PTPRA: variants seen among roughly 807,000 people sequenced by gnomAD.
PTPRA encodes the protein receptor-type tyrosine-protein phosphatase alpha.
In PTPRA, 25 loss-of-function variants were observed where a neutral mutation model predicts 104.8. The observed-to-expected ratio is 0.24, with a 90% CI of 0.17 to 0.33. The LOEUF is 0.33. Ranked by LOEUF, PTPRA falls within the 10% of genes least tolerant of loss-of-function variation. The pLI is 1.00. For synonymous variants in PTPRA, 323 were observed against 368.9 expected, an observed-to-expected ratio of 0.88 and a Z score of 1.43; for missense variants, 765 against 1,015.3, an observed-to-expected ratio of 0.75 and a Z score of 3.35.
chr20:2,961,880 T>G (rs1265905914), intron 3 of PTPRA, among the ~76,000 whole-genome samples: 1 of 152,234 alleles, frequency 6.6e-6, no homozygotes, highest in East Asian at 1.9e-4. Flanking sequence ...TTGCTCCATT[T>G]TATTGCCTTT....
At position 2,909,754 on chromosome 20, in the gene PTPRA, A is replaced by G. The variant is rs1272218719; in HGVS notation, c.-128-13453A>G. On this transcript the variant is annotated intron_variant, in intron 1 of 23. Coordinates refer to ENST00000399903, the MANE Select transcript of PTPRA (RefSeq NM_001385305.1). ...ATATAAATTATATATTATATATTACATAATATATAATATATATTATAAGAT... is the reference window on the plus strand; with the variant it reads ...ATATAAATTATATATTATATATTACGTAATATATAATATATATTATAAGAT... Among the ~76,000 whole-genome samples the G allele has an allele frequency of 3.6e-5, 5 of 139,750 alleles. No individual in the cohort carries two copies. In the East Asian group the frequency reaches 9.9e-4, roughly 28 times the overall value. 91.7% of individuals were successfully genotyped at this position (139,750 alleles called of 152,430 possible). A position where few individuals can be genotyped will look rare whatever the true frequency, so the allele number is the denominator to read the frequency against.
intron 9 of PTPRA, among the ~76,000 whole-genome samples, chr20:3,000,920 A>G (rs1246699268): frequency 6.6e-6 from 1 of 152,236 alleles, no homozygotes; most frequent in African/African-American, 2.4e-5. Flanking sequence ...GGATATAAGG[A>G]GAGGAGCCCA....
Position 3,035,461 on chromosome 20 carries a change from T to G in PTPRA, c.1921-124T>G. ...AATGATCCTGCAAGTTTTCAATACC[T>G]TGGGGACGAAGCGTATCAGCGTAAG... On this transcript the variant is annotated intron_variant, in intron 20 of 23. Coordinates refer to ENST00000399903, the MANE Select transcript of PTPRA (RefSeq NM_001385305.1). This position sits in a 1 kb window ranked among gnomAD's most constrained non-coding sequence, Gnocchi z 5.8. The G allele has an allele frequency of 8.7e-7, 1 of 1,154,396 alleles. No individual in the cohort carries two copies. Among genetic ancestry groups the G allele is most frequent in the Admixed American group, 2.5e-5 (1 of 40,328 alleles). 71.5% of individuals were successfully genotyped at this position (1,154,396 alleles called of 1,614,324 possible).
chr20:2,875,954 A>T (rs1438625542), intron 1 of PTPRA, among the ~76,000 whole-genome samples: 2 of 152,224 alleles, frequency 1.3e-5, no homozygotes, highest in Non-Finnish European at 2.9e-5. Context: ...GAGCAGCACA[A>T]GCAAACTTGG....
rs773076823 is a variant in PTPRA, at chr20:2,988,026, C to T, written c.528-6C>T. The T allele has an allele frequency of 3.9e-6, 6 of 1,553,568 alleles. No individual in the cohort carries two copies. The highest frequency in any genetic ancestry group is 5.3e-6 in the Non-Finnish European group (6 of 1,125,090). On this transcript the variant is annotated splice_region_variant and splice_polypyrimidine_tract_variant and intron_variant, in intron 7 of 23. Transcript: ENST00000399903. ...CCATTCTTCACTGTGATCATTTTCT[C>T]ATTAGGTTTAAGAAATACAAGCAAG...
In PTPRA at chr20:2,975,207, T is replaced by C; in HGVS notation, c.416-8T>C. The C allele has an allele frequency of 6.3e-7, 1 of 1,587,944 alleles. No individual in the cohort carries two copies. Among genetic ancestry groups the C allele is most frequent in the Non-Finnish European group, 8.6e-7 (1 of 1,158,490 alleles). On this transcript the variant is annotated splice_polypyrimidine_tract_variant and splice_region_variant and intron_variant, in intron 5 of 23. Coordinates refer to ENST00000399903, the MANE Select transcript of PTPRA (RefSeq NM_001385305.1). ...AATGAATGTTTCTATTTTTTACTTA[T>C]TACACAGGTAATTCTGACTCGAAGG...
At chr20:2,961,264 T>C (rs2061744540) in intron 3 of PTPRA, among the ~76,000 whole-genome samples, 1 of 152,236 alleles carries the variant, frequency 6.6e-6, no homozygotes, top group Non-Finnish European at 1.5e-5. Flanking sequence ...GAATGAGAGT[T>C]CCTGCTGCTC....
At chr20:3,033,832 G>A (rs897350745) in intron 20 of PTPRA, among the ~76,000 whole-genome samples, 25 of 151,136 alleles carry the variant, frequency 1.7e-4, no homozygotes, top group Admixed American at 6.6e-4. Context: ...CCCGGGAGCC[G>A]GAGGTTGCAG....
At chr20:2,864,842 C>A in the PTPRA span, 2 of 1,246,136 alleles carry the variant, frequency 1.6e-6, no homozygotes, top group Non-Finnish European at 2.3e-6. The surrounding 1 kb of genome is among the most constrained non-coding windows in gnomAD (Gnocchi z 5.2). Context: ...TCTAGGACAT[C>A]AGAGTGGTGC....
chr20:2,896,220 C>G (rs1041613480), intron 1 of PTPRA, among the ~76,000 whole-genome samples: 1 of 151,598 alleles, frequency 6.6e-6, no homozygotes, highest in Non-Finnish European at 1.5e-5. Flanking sequence ...ACTAAAAATA[C>G]AAAAAAAATT....
chr20:2,942,704 T>C (rs1039305037), intron 2 of PTPRA, among the ~76,000 whole-genome samples: 16 of 151,066 alleles, frequency 1.1e-4, no homozygotes, highest in African/African-American at 3.6e-4. Context: ...ATGAGTCAAT[T>C]CCTTAAAATA....
rs540529821 is a variant in PTPRA, at chr20:3,032,586, C to T, written c.1921-2999C>T. ...ATCGAGACCAGCCTGGCCAACATGG[C>T]AAAACCCCATCTCTACTAAAAATAC... is the stretch of plus-strand genomic sequence containing the variant. On this transcript the variant is annotated intron_variant, in intron 20 of 23. Transcript: ENST00000399903. Among the ~76,000 whole-genome samples, 338 of 151,198 alleles carry T rather than the reference C, an allele frequency of 2.2e-3. 3 individuals carry two copies. The highest frequency in any genetic ancestry group is 4.3e-3 in the African/African-American group (176 of 41,346).
chr20:2,990,338 T>C (rs2063115456), intron 9 of PTPRA, among the ~76,000 whole-genome samples: 1 of 152,174 alleles, frequency 6.6e-6, no homozygotes, highest in Admixed American at 6.5e-5. Context: ...TCTGGAGACT[T>C]CTCTTGTCAC....
At chr20:2,906,645 A>T (rs2059437366) in intron 1 of PTPRA, among the ~76,000 whole-genome samples, 1 of 152,184 alleles carries the variant, frequency 6.6e-6, no homozygotes, top group Non-Finnish European at 1.5e-5. Context: ...GTTCAGAGTT[A>T]GTGCTTCCTA....
At chr20:2,868,618 CTTTTTTTTTTTTTTTTTTTT>C (rs56081198), upstream of PTPRA, among the ~76,000 whole-genome samples, 2 of 45,158 alleles carry the variant, frequency 4.4e-5, no homozygotes, top group Non-Finnish European at 7.8e-5. Context: ...TCATTCTGGG[CTTTTTTTTTTTTTTTTTTTT>C]TTTTTTTTTT....
chr20:2,864,683 T>C, the PTPRA span: 3 of 1,605,688 alleles, frequency 1.9e-6, no homozygotes, highest in Non-Finnish European at 2.6e-6. This position sits in a 1 kb window ranked among gnomAD's most constrained non-coding sequence, Gnocchi z 5.2. Flanking sequence ...GTGTGGGGCG[T>C]GTGGGGCATG....
rs200223263 is a variant in PTPRA, at chr20:3,035,777, CT to C, written c.2047-7del. ...GGGTTACCCCTGCCTCCCTGATCCC[CT>C]TTTTTCCAAAGGAGAATAAGAGCCG... On this transcript the variant is annotated splice_polypyrimidine_tract_variant and intron_variant, in intron 21 of 23. Coordinates refer to ENST00000399903, the MANE Select transcript of PTPRA (RefSeq NM_001385305.1). This position sits in a 1 kb window ranked among gnomAD's most constrained non-coding sequence, Gnocchi z 5.8. 9.4e-4 allele frequency: 1,517 copies of C among 1,614,196 alleles called. 17 individuals are homozygous for C. The African/African-American group carries it at 0.018, about 19-fold the overall frequency.
At chr20:2,904,547 C>T (rs672386) in intron 1 of PTPRA, among the ~76,000 whole-genome samples, 97,229 of 150,758 alleles carry the variant, frequency 0.64, 33,019 homozygotes, top group East Asian at 0.86. Context: ...CGGATGCCTG[C>T]GGTCCCAGCT....
At chr20:2,881,888 T>G (rs917003308) in intron 1 of PTPRA, among the ~76,000 whole-genome samples, 1 of 152,126 alleles carries the variant, frequency 6.6e-6, no homozygotes, top group African/African-American at 2.4e-5. Context: ...TAGTCCCAGC[T>G]ACTCGGGAGG....
Sources: allele counts gnomAD v4.1 joint callset (sites outside exome capture counted in the v4.1 genomes callset), GRCh38; gene constraint gnomAD v4.1.1; non-coding constraint Gnocchi (gnomAD v3.1); transcripts MANE v1.5; gene names NCBI Gene and HGNC (gene_info 2026-07-23, HGNC 2026-07-21).